The following ABHD16A variants were observed in gnomAD, a reference collection of about 807,000 sequenced individuals.
ABHD16A encodes abhydrolase domain containing 16A, phospholipase.
Under a neutral mutation model 89.8 loss-of-function variants are expected in ABHD16A, and 47 were observed. The ratio of observed to expected loss-of-function variants is 0.52; its 90% CI spans 0.41 to 0.67. The LOEUF is 0.67. ABHD16A is among the 30% of genes least tolerant of loss of function. The probability of loss-of-function intolerance (pLI) is 0.00; values close to 1 mark genes in which losing one functional copy is unlikely to be tolerated. For missense variants in ABHD16A, 580 were observed against 734.6 expected, an observed-to-expected ratio of 0.79 and a Z score of 2.43; for synonymous variants, 251 against 280.4, an observed-to-expected ratio of 0.90 and a Z score of 1.05.
At chr6:31,694,882 C>G (rs1804248457) in intron 5 of ABHD16A, among the ~76,000 whole-genome samples, 1 of 152,202 alleles carries the variant, frequency 6.6e-6, no homozygotes, top group Non-Finnish European at 1.5e-5. Flanking sequence ...AAGCAAATTT[C>G]AGGCAGGCTT....
In ABHD16A at chr6:31,703,288, G is replaced by C; in HGVS notation, c.-7C>G. The C allele has an allele frequency of 2.2e-6, 3 of 1,344,174 alleles. No individual in the cohort carries two copies. Among genetic ancestry groups the C allele is most frequent in the Non-Finnish European group, 1.9e-6 (2 of 1,035,906 alleles). The allele number at this position is 1,344,174 out of a possible 1,614,324, so 83.3% of individuals were successfully genotyped here. On this transcript the variant is annotated 5_prime_UTR_variant, in exon 1 of 20. Coordinates refer to ENST00000395952, the MANE Select transcript of ABHD16A (RefSeq NM_021160.3). ...AGCTCAGCAGCTTCGCCATGGCCCC[G>C]GCTCGGGCCGCTGCTCTTCCAGCAG...
At chr6:31,702,874 G>A in intron 1 of ABHD16A, 1 of 1,352,646 alleles carries the variant, frequency 7.4e-7, no homozygotes, top group Non-Finnish European at 9.5e-7. Flanking sequence ...ACTGGGACCG[G>A]CACGAACCAC....
intron 5 of ABHD16A, 23 bp downstream of exon 5, chr6:31,696,925 G>A: frequency 6.2e-7 from 1 of 1,602,882 alleles, no homozygotes; most frequent in Non-Finnish European, 8.5e-7. Context: ...TGCCTGTGTG[G>A]CACTTTTCCT....
chr6:31,696,646 A>AT (rs1804426807), intron 5 of ABHD16A, among the ~76,000 whole-genome samples: 1 of 151,900 alleles, frequency 6.6e-6, no homozygotes, highest in Non-Finnish European at 1.5e-5. Flanking sequence ...AAAAAAAAAA[A>AT]GAAAAAGAAA....
At position 31,693,390 on chromosome 6, in the gene ABHD16A, C is replaced by T; in HGVS notation, c.472G>A (p.Val158Ile). The change falls in exon 6 of 20, where the codon GTC becomes ATC. Residue 158 changes from valine to isoleucine, a missense_variant. By Grantham distance (29) the Val-to-Ile change is conservative. Around this residue, in one of 2 missense-constraint regions of ABHD16A, gnomAD observed 415 missense variants for 568.8 expected, o/e 0.73. Transcript: ENST00000395952. The surrounding 1 kb of genome is among the most constrained non-coding windows in gnomAD (Gnocchi z 5.0). ...CTGGGTTCTTCCCAGTGGAAGTCGA[C>T]TGGCCAGCTCCGGAAGTCAAAGTTG... ...NYNFDFRSWP[V>I]DFHWEEPSSR... 1 of 1,613,044 alleles carries T rather than the reference C, an allele frequency of 6.2e-7. No individual in the cohort carries two copies. Among genetic ancestry groups the T allele is most frequent in the Non-Finnish European group, 8.5e-7 (1 of 1,180,014 alleles).
intron 7 of ABHD16A, 186 bp from the exon 8 acceptor site, chr6:31,692,104 C>T: frequency 9.2e-6 from 5 of 544,890 alleles, no homozygotes; most frequent in Non-Finnish European, 1.6e-5. Context: ...ACTTTTCTTA[C>T]TGCAACCTTT....
rs767156105 is a variant in ABHD16A at position 31,687,055 on chromosome 6, G to A, written c.*157C>T. On this transcript the variant is annotated 3_prime_UTR_variant, in exon 20 of 20. Transcript: ENST00000395952. The surrounding 1 kb of genome is among the most constrained non-coding windows in gnomAD (Gnocchi z 6.3). The stretch of plus-strand genomic sequence containing the variant: ...AGGTTAAGTACAGCCACATGAATGA[G>A]GGGAAACGTGCAAGAGGAACAGTGG... The A allele has an allele frequency of 3.0e-6, 2 of 670,244 alleles. No individual in the cohort carries two copies. Among genetic ancestry groups the A allele is most frequent in the Admixed American group, 2.8e-5 (1 of 35,422 alleles). The allele number at this position is 670,244 out of a possible 1,614,324, so 41.5% of individuals were successfully genotyped here. A position where few individuals can be genotyped will look rare whatever the true frequency, so the allele number is the denominator to read the frequency against.
chr6:31,702,142 G>A lies in ABHD16A; in HGVS notation c.133-12C>T, dbSNP rs747814923. ...TGATAGTACGTATCCTGCCAAAACAGATGGCCTCCTTAAGGACCCTGCCCA... is the reference window on the plus strand; with the variant it reads ...TGATAGTACGTATCCTGCCAAAACAAATGGCCTCCTTAAGGACCCTGCCCA... On this transcript the variant is annotated splice_polypyrimidine_tract_variant and intron_variant, in intron 1 of 19. Transcript: ENST00000395952. The A allele has an allele frequency of 1.4e-5, 23 of 1,613,056 alleles. No homozygotes were observed. Among genetic ancestry groups the A allele is most frequent in the Non-Finnish European group, 1.9e-5 (22 of 1,179,998 alleles).
intron 5 of ABHD16A, 117 bp downstream of exon 5, chr6:31,696,831 T>C: frequency 1.1e-6 from 1 of 948,134 alleles, no homozygotes; most frequent in East Asian, 2.4e-5. Flanking sequence ...ACACCCAGTG[T>C]GGTGGGTGGT....
rs1804123028 is a variant in ABHD16A at position 31,693,683 on chromosome 6, T to C, written c.430-251A>G. Among the ~76,000 whole-genome samples the C allele has an allele frequency of 6.6e-6, 1 of 152,244 alleles. No individual in the cohort carries two copies. Among genetic ancestry groups the C allele is most frequent in the East Asian group, 1.9e-4 (1 of 5,208 alleles). The stretch of plus-strand genomic sequence containing the variant: ...CTTCCAAGCTAAGAACCTAACACTC[T>C]GCTTTTCTAAAAAACTAAGTCTGAC... On this transcript the variant is annotated intron_variant, in intron 5 of 19. Coordinates refer to ENST00000395952, the MANE Select transcript of ABHD16A (RefSeq NM_021160.3). This position sits in a 1 kb window ranked among gnomAD's most constrained non-coding sequence, Gnocchi z 5.0.
intron 5 of ABHD16A, 88 bp downstream of exon 5, chr6:31,696,860 C>G: frequency 1.5e-6 from 2 of 1,319,760 alleles, no homozygotes; most frequent in Non-Finnish European, 2.2e-6. Context: ...CCTCCTCTTC[C>G]TGCAGAAGCC....
Position 31,700,955 on chromosome 6 carries a change from C to T in ABHD16A, c.330G>A (p.Val110=), listed in dbSNP as rs1266102069. 1.2e-6 allele frequency: 2 copies of T among 1,613,790 alleles called. No homozygotes were observed. The highest frequency in any genetic ancestry group is 1.7e-6 in the Non-Finnish European group (2 of 1,179,816). Residue 110 remains valine (V), a synonymous_variant, in exon 4 of 20, where the codon GTG becomes GTA. Coordinates refer to ENST00000395952, the MANE Select transcript of ABHD16A (RefSeq NM_021160.3). ...CTCTCCACCTACCTCGGAGGCAGGC[C>T]ACACCTGCCAGAAGTAGCAGCAATG... ...AGTLLLLLAG[V]ACLRGIGRWT...
In ABHD16A at chr6:31,690,629, T is replaced by TG. The variant is rs780889400; in HGVS notation, c.844-28dup. On this transcript the variant is annotated intron_variant, in intron 9 of 19. Transcript: ENST00000395952. This position sits in a 1 kb window ranked among gnomAD's most constrained non-coding sequence, Gnocchi z 4.1. ...TAGGAAGGAGGCAGGAAGGAAGGGCTGGGGGGCCAAGTTGGGACTGAAAAA... is the reference window on the plus strand; with the variant it reads ...TAGGAAGGAGGCAGGAAGGAAGGGCTGGGGGGGCCAAGTTGGGACTGAAAAA... 65 of 1,611,522 alleles carry TG rather than the reference T, an allele frequency of 4.0e-5. No homozygotes were observed. The East Asian group carries it at 1.2e-3, about 30-fold the overall frequency.
intron 5 of ABHD16A, among the ~76,000 whole-genome samples, chr6:31,696,008 A>T (rs12529661): frequency 0.13 from 20,176 of 150,236 alleles, 1,694 homozygotes; most frequent in Admixed American, 0.19. Context: ...TACTAAAAAT[A>T]AAAAAATTAG....
rs1210402109 is a variant in ABHD16A at position 31,689,676 on chromosome 6, T to C, written c.986A>G (p.Asn329Ser). Reference sequence around the variant, plus strand: ...AAACTGGACCACCACATCCATGGCATTAGCCTCATTCTGCGGGAATGGCAC... The same window carrying C: ...AAACTGGACCACCACATCCATGGCACTAGCCTCATTCTGCGGGAATGGCAC... Reference protein sequence around the residue: ...TGVPFPQNEANAMDVVVQFAI... With the variant: ...TGVPFPQNEASAMDVVVQFAI... The change falls in exon 12 of 20, where the codon AAT (asparagine) becomes AGT (serine). Residue 329 changes from asparagine to serine, a missense_variant. By Grantham distance (46) the Asn-to-Ser change is conservative (BLOSUM62 1). Transcript: ENST00000395952. 6.2e-7 allele frequency: 1 copy of C among 1,612,388 alleles called. No homozygotes were observed. The highest frequency in any genetic ancestry group is 8.5e-7 in the Non-Finnish European group (1 of 1,179,690).
chr6:31,697,798 A>T (rs1009893634), intron 4 of ABHD16A, among the ~76,000 whole-genome samples: 1 of 152,098 alleles, frequency 6.6e-6, no homozygotes, highest in African/African-American at 2.4e-5. Flanking sequence ...CTCCTCACTG[A>T]CTTGGCAGGT....
At position 31,690,648 on chromosome 6, in the gene ABHD16A, T is replaced by G; in HGVS notation, c.844-46A>C. Reference sequence around the variant, plus strand: ...AAGGGCTGGGGGGCCAAGTTGGGACTGAAAAACTCCCTTTGGGCAGGGAGG... The same window carrying G: ...AAGGGCTGGGGGGCCAAGTTGGGACGGAAAAACTCCCTTTGGGCAGGGAGG... On this transcript the variant is annotated intron_variant, in intron 9 of 19. Coordinates refer to ENST00000395952, the MANE Select transcript of ABHD16A (RefSeq NM_021160.3). The surrounding 1 kb of genome is among the most constrained non-coding windows in gnomAD (Gnocchi z 4.1). 6.3e-7 allele frequency: 1 copy of G among 1,582,564 alleles called. No homozygotes were observed. Among genetic ancestry groups the G allele is most frequent in the African/African-American group, 1.3e-5 (1 of 74,336 alleles).
chr6:31,687,882 T>G lies in ABHD16A; in HGVS notation c.1389A>C (p.Ala463=). The G allele has an allele frequency of 6.2e-7, 1 of 1,612,850 alleles. No homozygotes were observed. The change falls in exon 17 of 20, where the codon GCA becomes GCC. Residue 463 remains alanine (A), a synonymous_variant. Transcript: ENST00000395952. This position sits in a 1 kb window ranked among gnomAD's most constrained non-coding sequence, Gnocchi z 6.3. ...LLQHRYPRVM[A]EEGLRVVRQW... ...GCCTCACCACTCGAAGACCCTCCTC[T>G]GCCATCACCCGGGGATACCTACGGA...
Position 31,702,083 on chromosome 6 carries a change from G to C in ABHD16A, c.180C>G (p.Ile60Met). The C allele has an allele frequency of 6.2e-7, 1 of 1,613,096 alleles. No homozygotes were observed. The highest frequency in any genetic ancestry group is 8.5e-7 in the Non-Finnish European group (1 of 1,180,026). Residue 60 changes from isoleucine to methionine, a missense_variant, in exon 2 of 20, where the codon ATC (isoleucine) becomes ATG (methionine). Coordinates refer to ENST00000395952, the MANE Select transcript of ABHD16A (RefSeq NM_021160.3). ...GCCAGGGTAGACATACCAGTGCCAG[G>C]ATGCTGTCAGCATGTTTCTCCAGGG... ...PRALEKHADS[I>M]LALASVFWSI... is the part of the protein sequence containing the mutation.
Sources: gnomAD v4.1 joint callset for allele counts (sites outside exome capture counted in the v4.1 genomes callset) on GRCh38, gnomAD v4.1.1 for gene constraint, gnomAD v4.1.1 regional missense constraint, Gnocchi (gnomAD v3.1) non-coding constraint, MANE v1.5 for transcripts, NCBI Gene and HGNC (gene_info 2026-07-23, HGNC 2026-07-21) for gene names.